The following PRKD1 variants were observed in gnomAD, a reference collection of about 807,000 sequenced individuals.
The protein encoded by PRKD1 is protein kinase D1.
A neutral mutation model predicts 95.9 loss-of-function variants in PRKD1; 63 were observed. The ratio of observed to expected loss-of-function variants is 0.66; its 90% confidence interval spans 0.54 to 0.81. The LOEUF is 0.81. Among genes scored for constraint, PRKD1 ranks in the 30% least tolerant of loss-of-function variants. PRKD1 has a pLI of 0.00. For synonymous variants in PRKD1, 425 were observed against 423.1 expected, an observed-to-expected ratio of 1.00 and a Z score of -0.05; for missense variants, 1,048 against 1,165.3, an observed-to-expected ratio of 0.90 and a Z score of 1.47.
chr14:29,647,984 G>T (rs1035952102), intron 4 of PRKD1, among the ~76,000 whole-genome samples: 17 of 152,158 alleles, frequency 1.1e-4, no homozygotes, highest in Admixed American at 6.5e-4. Flanking sequence ...TACATCTTGG[G>T]AAAAACATGT....
At chr14:29,863,692 T>C (rs1254990341) in intron 1 of PRKD1, among the ~76,000 whole-genome samples, 1 of 152,094 alleles carries the variant, frequency 6.6e-6, no homozygotes, top group African/African-American at 2.4e-5. Flanking sequence ...CCAAAGTACA[T>C]GAGGAAAATG....
intron 4 of PRKD1, among the ~76,000 whole-genome samples, chr14:29,645,918 G>A (rs1881094275): frequency 6.6e-6 from 1 of 151,982 alleles, no homozygotes; most frequent in Admixed American, 6.6e-5. Flanking sequence ...CATTAAAGCA[G>A]CATGCAACTG....
intron 4 of PRKD1, among the ~76,000 whole-genome samples, chr14:29,654,523 A>C (rs2139186738): frequency 6.6e-6 from 1 of 152,306 alleles, no homozygotes; most frequent in Non-Finnish European, 1.5e-5. Context: ...ATACGCAAAA[A>C]ATAGAGATGC....
chr14:29,620,969 A>T (rs1218802692), intron 13 of PRKD1, among the ~76,000 whole-genome samples: 1 of 152,088 alleles, frequency 6.6e-6, no homozygotes, highest in Admixed American at 6.6e-5. Flanking sequence ...AATGTGGCAC[A>T]GATACACCAC....
intron 1 of PRKD1, among the ~76,000 whole-genome samples, chr14:29,766,360 T>C (rs970385095): frequency 1.3e-5 from 2 of 151,968 alleles, no homozygotes; most frequent in South Asian, 2.1e-4. Flanking sequence ...ACACAATGCA[T>C]GCTGGAAAGA....
chr14:29,877,939 T>C (rs1488968370), intron 1 of PRKD1, among the ~76,000 whole-genome samples: 1 of 152,200 alleles, frequency 6.6e-6, no homozygotes, highest in Non-Finnish European at 1.5e-5. Flanking sequence ...GAACATGAGG[T>C]ACATATACAC....
Position 29,900,223 on chromosome 14 carries a change from T to A in PRKD1, c.264+27026A>T, listed in dbSNP as rs187225397. Among the ~76,000 whole-genome samples the A allele has an allele frequency of 1.5e-3, 232 of 152,342 alleles. 4 individuals are homozygous for A. Among genetic ancestry groups the A allele is most frequent in the South Asian group, 8.7e-3 (42 of 4,834 alleles). ...ATGTCTACTGCACAGACGTTTATTATCCTTACTTCACAGAAAAGGAAACTG... is the reference window on the plus strand; with the variant it reads ...ATGTCTACTGCACAGACGTTTATTAACCTTACTTCACAGAAAAGGAAACTG... On this transcript the variant is annotated intron_variant, in intron 1 of 17. Transcript: ENST00000331968.
At chr14:29,909,099 C>T (rs1012558194) in intron 1 of PRKD1, among the ~76,000 whole-genome samples, 14 of 152,168 alleles carry the variant, frequency 9.2e-5, no homozygotes, top group South Asian at 2.1e-4. Flanking sequence ...AGTGGCTGGC[C>T]GGCGCTGCCA....
chr14:29,678,617 A>G (rs747980708), intron 2 of PRKD1, among the ~76,000 whole-genome samples: 31 of 152,196 alleles, frequency 2.0e-4, no homozygotes, highest in Admixed American at 6.5e-4. Context: ...GTGTTTCAAA[A>G]GTTTCAAACT....
chr14:29,875,254 A>G (rs560399667), intron 1 of PRKD1, among the ~76,000 whole-genome samples: 1 of 152,284 alleles, frequency 6.6e-6, no homozygotes, highest in Non-Finnish European at 1.5e-5. Flanking sequence ...GTGACGGGGA[A>G]GTACACAAAA....
At chr14:29,897,092 A>G (rs2139423554) in intron 1 of PRKD1, among the ~76,000 whole-genome samples, 1 of 152,084 alleles carries the variant, frequency 6.6e-6, no homozygotes, top group East Asian at 1.9e-4. Context: ...ATCTTTCTAG[A>G]TTTCTATGTA....
intron 4 of PRKD1, among the ~76,000 whole-genome samples, chr14:29,647,591 T>C (rs1327869105): frequency 6.6e-6 from 1 of 152,174 alleles, no homozygotes; most frequent in Non-Finnish European, 1.5e-5. Context: ...ATGGTCTCAC[T>C]GGAAAGCTGA....
intron 1 of PRKD1, among the ~76,000 whole-genome samples, chr14:29,797,581 G>A (rs952489518): frequency 3.9e-5 from 6 of 152,084 alleles, no homozygotes; most frequent in African/African-American, 1.4e-4. Flanking sequence ...TTTATCAAAG[G>A]GGGCTGATCA....
At chr14:29,764,216 G>T (rs4457905) in intron 1 of PRKD1, among the ~76,000 whole-genome samples, 47,794 of 151,602 alleles carry the variant, frequency 0.32, 8,981 homozygotes, top group African/African-American at 0.53. Flanking sequence ...AAAGAACCAT[G>T]GAAGAACTGC....
At chr14:29,901,569 AAAAAAT>A (rs1894318999) in intron 1 of PRKD1, among the ~76,000 whole-genome samples, 2 of 152,306 alleles carry the variant, frequency 1.3e-5, no homozygotes, top group South Asian at 4.1e-4. Flanking sequence ...CTGAAATTAT[AAAAAAT>A]AAAAATAAAA....
At chr14:29,692,873 A>G (rs926736698) in intron 2 of PRKD1, among the ~76,000 whole-genome samples, 1 of 152,154 alleles carries the variant, frequency 6.6e-6, no homozygotes, top group African/African-American at 2.4e-5. Flanking sequence ...GTACTTTTCT[A>G]TGTGTTGGCT....
At chr14:29,723,900 C>T (rs1392747667) in intron 2 of PRKD1, among the ~76,000 whole-genome samples, 1 of 152,082 alleles carries the variant, frequency 6.6e-6, no homozygotes, top group Non-Finnish European at 1.5e-5. Flanking sequence ...CTCTCAACAA[C>T]TGTGGCCAGG....
At chr14:29,622,429 A>C (rs1457976089) in intron 13 of PRKD1, among the ~76,000 whole-genome samples, 3 of 133,458 alleles carry the variant, frequency 2.2e-5, no homozygotes, top group East Asian at 2.1e-4. Context: ...TTTTTTTAGG[A>C]ATCTCACTCT....
intron 2 of PRKD1, among the ~76,000 whole-genome samples, chr14:29,667,885 C>A (rs1327050200): frequency 6.6e-6 from 1 of 151,036 alleles, no homozygotes; most frequent in Non-Finnish European, 1.5e-5. Flanking sequence ...AATAATTAAA[C>A]TAAAGATTTT....
Sources: allele counts gnomAD v4.1 joint callset (sites outside exome capture counted in the v4.1 genomes callset), GRCh38; gene constraint gnomAD v4.1.1; transcripts MANE v1.5; gene names NCBI Gene and HGNC (gene_info 2026-07-23, HGNC 2026-07-21).